Variants in KCNH1 observed in about 807,000 individuals in gnomAD.
KCNH1 encodes voltage-gated delayed rectifier potassium channel KCNH1.
A neutral mutation model predicts 69.2 loss-of-function variants in KCNH1; 27 were observed. The ratio of observed to expected loss-of-function variants is 0.39; its 90% CI spans 0.29 to 0.54. The LOEUF (loss-of-function observed/expected upper bound fraction) is 0.54. Ranked by LOEUF, KCNH1 falls within the 20% of genes least tolerant of loss-of-function variation. KCNH1 has a pLI of 0.68. For missense variants in KCNH1, 798 were observed against 1,261.6 expected (o/e 0.63, Z 5.57); for synonymous variants, 456 against 487.7 (o/e 0.93, Z 0.86).
At chr1:210,776,227 T>C (rs966071449) in intron 9 of KCNH1, among the ~76,000 whole-genome samples, 1 of 152,168 alleles carries the variant, frequency 6.6e-6, no homozygotes, top group Non-Finnish European at 1.5e-5. Flanking sequence ...ATGGTGCCTC[T>C]TTCTCATCCT....
At chr1:210,900,031 C>T (rs551018042) in intron 7 of KCNH1, among the ~76,000 whole-genome samples, 41 of 152,318 alleles carry the variant, frequency 2.7e-4, no homozygotes, top group African/African-American at 9.1e-4. Flanking sequence ...GAGTATAATT[C>T]GTTAGTCCTA....
intron 10 of KCNH1, among the ~76,000 whole-genome samples, chr1:210,773,093 A>C (rs35589363): frequency 0.079 from 11,965 of 152,304 alleles, 596 homozygotes; most frequent in Admixed American, 0.13. Context: ...AGCTGATTAT[A>C]ATCAACTTGC....
chr1:210,818,861 G>A (rs974217604), intron 7 of KCNH1, among the ~76,000 whole-genome samples: 3 of 152,258 alleles, frequency 2.0e-5, no homozygotes, highest in South Asian at 4.2e-4. Context: ...TAAAAATTAT[G>A]TTTTCTCAGG....
intron 10 of KCNH1, among the ~76,000 whole-genome samples, chr1:210,724,774 G>A (rs1036129923): frequency 2.0e-5 from 3 of 152,060 alleles, no homozygotes; most frequent in African/African-American, 7.2e-5. Context: ...GGGCACTCGT[G>A]GCCAATGTCA....
At position 210,804,205 on chromosome 1, in the gene KCNH1, G is replaced by A. The variant is rs373676986; in HGVS notation, c.1463-39C>T. 5.3e-4 allele frequency: 814 copies of A among 1,539,420 alleles called. No individual in the cohort carries two copies. Among genetic ancestry groups the A allele is most frequent in the Non-Finnish European group, 6.8e-4 (766 of 1,130,158 alleles). On this transcript the variant is annotated intron_variant, in intron 7 of 10. Coordinates refer to ENST00000271751, the MANE Select transcript of KCNH1 (RefSeq NM_172362.3). Reference sequence around the variant, plus strand: ...GGAGGAGCAAAAGAAGAAATAACAAGTTAGTGGTCCCTGAGCCAGGGTTCC... The same window carrying A: ...GGAGGAGCAAAAGAAGAAATAACAAATTAGTGGTCCCTGAGCCAGGGTTCC...
At chr1:210,966,618 A>G (rs1325177927) in intron 6 of KCNH1, among the ~76,000 whole-genome samples, 1 of 152,258 alleles carries the variant, frequency 6.6e-6, no homozygotes, top group African/African-American at 2.4e-5. Flanking sequence ...ACATGAAAAA[A>G]TGCTCATCAT....
At chr1:210,862,164 G>T in intron 7 of KCNH1, 2 of 1,347,374 alleles carry the variant, frequency 1.5e-6, no homozygotes, top group Non-Finnish European at 2.1e-6. Flanking sequence ...TAGTAATCTG[G>T]AGCAGCGTTG....
chr1:211,007,447 A>AAAGAAAATCTCCTTC (rs1689306179), intron 6 of KCNH1, among the ~76,000 whole-genome samples: 1 of 152,222 alleles, frequency 6.6e-6, no homozygotes, highest in African/African-American at 2.4e-5. Context: ...AGATTAAACC[A>AAAGAAAATCTCCTTC]AAGAAAATCT....
At chr1:211,041,957 G>C (rs1348337285) in intron 5 of KCNH1, among the ~76,000 whole-genome samples, 1 of 152,124 alleles carries the variant, frequency 6.6e-6, no homozygotes, top group East Asian at 1.9e-4. Context: ...GTTTCATCAT[G>C]TTGGCCAGGC....
chr1:210,997,580 A>G (rs890025175), intron 6 of KCNH1, among the ~76,000 whole-genome samples: 13 of 152,220 alleles, frequency 8.5e-5, no homozygotes, highest in African/African-American at 1.7e-4. Context: ...CAAGTTGGAA[A>G]ACACTCTGCA....
intron 9 of KCNH1, among the ~76,000 whole-genome samples, chr1:210,790,050 T>C (rs142734736): frequency 0.011 from 1,656 of 152,328 alleles, 23 homozygotes; most frequent in Admixed American, 0.018. Context: ...GCCTCCTGAG[T>C]AGCTGGGGCC....
chr1:210,756,751 T>A lies in KCNH1; in HGVS notation c.2112+18597A>T, dbSNP rs146841197. On this transcript the variant is annotated intron_variant, in intron 10 of 10. Coordinates refer to ENST00000271751, the MANE Select transcript of KCNH1 (RefSeq NM_172362.3). The stretch of plus-strand genomic sequence containing the variant: ...GCTTCCCAGTCCATGCTGATCCACT[T>A]GTTCTTGGGGTCCCTAGACACTTCT... Among the ~76,000 whole-genome samples the A allele has an allele frequency of 6.6e-5, 10 of 152,242 alleles. No homozygotes were observed. The East Asian group carries it at 1.9e-3, about 29-fold the overall frequency.
intron 10 of KCNH1, among the ~76,000 whole-genome samples, chr1:210,694,174 A>G (rs780098185): frequency 1.3e-4 from 20 of 152,130 alleles, no homozygotes; most frequent in Non-Finnish European, 2.9e-4. Flanking sequence ...TAGAACCCCT[A>G]GAATGAAGAC....
intron 6 of KCNH1, among the ~76,000 whole-genome samples, chr1:210,981,288 C>T (rs1688703725): frequency 7.1e-6 from 1 of 141,760 alleles, no homozygotes; most frequent in African/African-American, 2.6e-5. Flanking sequence ...GAAAACTCAG[C>T]ATTAGAGACA....
chr1:210,707,583 T>C (rs11119576), intron 10 of KCNH1, among the ~76,000 whole-genome samples: 5,137 of 152,218 alleles, frequency 0.034, 108 homozygotes, highest in African/African-American at 0.072. Context: ...TGTAAGTAAG[T>C]GTTCAGCCAG....
intron 7 of KCNH1, among the ~76,000 whole-genome samples, chr1:210,898,906 T>C (rs1442603624): frequency 1.3e-5 from 2 of 152,164 alleles, no homozygotes; most frequent in South Asian, 2.1e-4. Flanking sequence ...GTCTACCTGA[T>C]TGGGTGTTGG....
Position 210,839,611 on chromosome 1 carries a change from C to T in KCNH1, c.1463-35445G>A, listed in dbSNP as rs183860182. The stretch of plus-strand genomic sequence containing the variant: ...AAGTTGGAAATTATTTCAAAAAATG[C>T]TTTGTAAATTGCCATATAAATGTCT... On this transcript the variant is annotated intron_variant, in intron 7 of 10. Coordinates refer to ENST00000271751, the MANE Select transcript of KCNH1 (RefSeq NM_172362.3). Among the ~76,000 whole-genome samples the T allele has an allele frequency of 1.7e-3, 264 of 152,246 alleles. 3 individuals carry two copies. Among genetic ancestry groups the T allele is most frequent in the African/African-American group, 5.9e-3 (247 of 41,552 alleles).
chr1:211,109,786 G>A (rs543729546), intron 1 of KCNH1, among the ~76,000 whole-genome samples: 179 of 151,430 alleles, frequency 1.2e-3, no homozygotes, highest in African/African-American at 4.2e-3. Context: ...TGGGGAAGAA[G>A]CAGCAATATT....
At chr1:211,031,357 A>C (rs1689781235) in intron 5 of KCNH1, among the ~76,000 whole-genome samples, 1 of 152,230 alleles carries the variant, frequency 6.6e-6, no homozygotes, top group Non-Finnish European at 1.5e-5. Context: ...TATTCCAATC[A>C]ATAGAAAAAG....
Sources: gnomAD v4.1 joint callset for allele counts (sites outside exome capture counted in the v4.1 genomes callset) on GRCh38, gnomAD v4.1.1 for gene constraint, MANE v1.5 for transcripts, NCBI Gene and HGNC (gene_info 2026-07-23, HGNC 2026-07-21) for gene names.